Variants in EIF4EBP2 observed in about 807,000 individuals in gnomAD.
EIF4EBP2 encodes eukaryotic translation initiation factor 4E-binding protein 2.
EIF4EBP2 carries 5 observed loss-of-function variants against 10.3 expected under a neutral mutation model. The ratio of observed to expected loss-of-function variants is 0.48; its 90% CI spans 0.25 to 1.02. EIF4EBP2 has a LOEUF of 1.02. Ranked by LOEUF, EIF4EBP2 falls within the 50% of genes least tolerant of loss-of-function variation. The pLI, the probability that EIF4EBP2 is intolerant of heterozygous loss-of-function variation, is 0.15. For synonymous variants in EIF4EBP2, 67 were observed against 61.1 expected (o/e 1.10, Z -0.45); for missense variants, 188 against 162.2 (o/e 1.16, Z -0.86).
At chr10:70,408,231 A>T (rs1295216631) in intron 1 of EIF4EBP2, among the ~76,000 whole-genome samples, 1 of 145,286 alleles carries the variant, frequency 6.9e-6, no homozygotes, top group Non-Finnish European at 1.5e-5. Context: ...TCCTTCCTGG[A>T]CGGGGCGGCT....
At position 70,425,084 on chromosome 10, in the gene EIF4EBP2, C is replaced by T. The variant is rs1187465108; in HGVS notation, c.*3337C>T. On this transcript the variant is annotated 3_prime_UTR_variant, in exon 3 of 3. Transcript: ENST00000373218. ...AAGATTGAACAGGGGCTGCAGTCAG[C>T]TGGAGCTGGAGAAACCACTTCCAAG... 1.3e-5 allele frequency: 2 copies of T among 152,288 alleles called. No individual in the cohort carries two copies. Among genetic ancestry groups the T allele is most frequent in the South Asian group, 4.1e-4 (2 of 4,830 alleles). The allele number at this position is 152,288 out of a possible 1,614,324, so 9.4% of individuals were successfully genotyped here.
chr10:70,409,312 T>A (rs1008285614), intron 1 of EIF4EBP2, among the ~76,000 whole-genome samples: 3 of 152,192 alleles, frequency 2.0e-5, no homozygotes, highest in Admixed American at 6.5e-5. Context: ...TTTTATTTTT[T>A]TTTCTATCTG....
intron 1 of EIF4EBP2, among the ~76,000 whole-genome samples, chr10:70,407,245 G>A (rs1844976302): frequency 6.6e-6 from 1 of 152,040 alleles, no homozygotes; most frequent in African/African-American, 2.4e-5. Flanking sequence ...GGTTTTCCTA[G>A]GCAGAGGACC....
chr10:70,407,028 G>T (rs1366976524), intron 1 of EIF4EBP2, among the ~76,000 whole-genome samples: 5 of 152,076 alleles, frequency 3.3e-5, no homozygotes, highest in Admixed American at 3.3e-4. Flanking sequence ...CTCCCGAGTA[G>T]CTGGGGCTAC....
At chr10:70,420,224 C>A in intron 2 of EIF4EBP2, 125 bp downstream of exon 2, 1 of 915,524 alleles carries the variant, frequency 1.1e-6, no homozygotes, top group Non-Finnish European at 1.6e-6. Flanking sequence ...TTTTGAGACA[C>A]AGTCTCATTC....
chr10:70,418,163 A>G (rs940975411), intron 1 of EIF4EBP2, among the ~76,000 whole-genome samples: 1 of 152,192 alleles, frequency 6.6e-6, no homozygotes, highest in Non-Finnish European at 1.5e-5. Flanking sequence ...CCCTTATAAG[A>G]TGGAACACCA....
intron 1 of EIF4EBP2, among the ~76,000 whole-genome samples, chr10:70,407,124 TTTTGTTG>T (rs1052601456): frequency 6.6e-6 from 1 of 150,548 alleles, no homozygotes; most frequent in Non-Finnish European, 1.5e-5. Context: ...GTCTTTTTTT[TTTTGTTG>T]TTGTTGATCA....
At position 70,423,856 on chromosome 10, in the gene EIF4EBP2, TG is replaced by T. The variant is rs1257177776; in HGVS notation, c.*2110del. The T allele has an allele frequency of 6.6e-6, 1 of 152,648 alleles. No individual in the cohort carries two copies. The highest frequency in any genetic ancestry group is 2.4e-5 in the African/African-American group (1 of 41,472). The allele number at this position is 152,648 out of a possible 1,614,324, so 9.5% of individuals were successfully genotyped here. On this transcript the variant is annotated 3_prime_UTR_variant, in exon 3 of 3. Coordinates refer to ENST00000373218, the MANE Select transcript of EIF4EBP2 (RefSeq NM_004096.5). ...AATTGATAATCAGAAAAGTAATTTT[TG>T]TTTGTTTGTTTAATGTATCCCTGTT...
chr10:70,404,589 C>T, intron 1 of EIF4EBP2, 43 bp downstream of exon 1: 1 of 1,510,190 alleles, frequency 6.6e-7, no homozygotes, highest in Non-Finnish European at 8.8e-7. Context: ...TGTCCCGCCG[C>T]GGTCCTCTAA....
intron 1 of EIF4EBP2, among the ~76,000 whole-genome samples, chr10:70,418,711 C>T (rs948324020): frequency 3.9e-5 from 6 of 152,168 alleles, no homozygotes; most frequent in African/African-American, 1.4e-4. Flanking sequence ...CCCAGAATGC[C>T]TCGTTCCTCA....
intron 1 of EIF4EBP2, among the ~76,000 whole-genome samples, chr10:70,417,749 A>G (rs1453681815): frequency 1.3e-5 from 2 of 152,200 alleles, no homozygotes; most frequent in East Asian, 3.8e-4. Flanking sequence ...AGTAAGAATA[A>G]TCTTGTTCCA....
chr10:70,414,634 A>G (rs10999323), intron 1 of EIF4EBP2, among the ~76,000 whole-genome samples: 73,928 of 152,032 alleles, frequency 0.49, 18,246 homozygotes, highest in East Asian at 0.66. Flanking sequence ...TTGGGAGGCC[A>G]AGGCTTGCAG....
intron 1 of EIF4EBP2, among the ~76,000 whole-genome samples, chr10:70,415,538 T>C (rs895477771): frequency 1.3e-5 from 2 of 152,146 alleles, no homozygotes; most frequent in East Asian, 1.9e-4. Context: ...TCAAAACTTA[T>C]TACAAGTCAA....
chr10:70,414,456 C>T (rs934406343), intron 1 of EIF4EBP2, among the ~76,000 whole-genome samples: 1 of 152,050 alleles, frequency 6.6e-6, no homozygotes, highest in Non-Finnish European at 1.5e-5. Context: ...GTCTTGTTGT[C>T]TGAATTATTT....
intron 1 of EIF4EBP2, among the ~76,000 whole-genome samples, chr10:70,408,503 A>G (rs948516530): frequency 6.6e-6 from 1 of 152,240 alleles, no homozygotes; most frequent in Admixed American, 6.5e-5. Flanking sequence ...CTATTACAGC[A>G]ATGAATACTG....
chr10:70,405,101 G>A (rs1442096459), intron 1 of EIF4EBP2, among the ~76,000 whole-genome samples: 3 of 152,216 alleles, frequency 2.0e-5, no homozygotes, highest in African/African-American at 7.2e-5. Flanking sequence ...TTACTTTGCT[G>A]GACGAGGCCC....
chr10:70,410,053 G>A (rs1845027934), intron 1 of EIF4EBP2, among the ~76,000 whole-genome samples: 1 of 152,072 alleles, frequency 6.6e-6, no homozygotes. Flanking sequence ...TATTGGGGGT[G>A]AAGGGAGCTG....
intron 1 of EIF4EBP2, among the ~76,000 whole-genome samples, chr10:70,409,900 C>G (rs1045272369): frequency 2.0e-5 from 3 of 152,178 alleles, no homozygotes; most frequent in Admixed American, 6.5e-5. Flanking sequence ...TGTAGCTCTT[C>G]TGCCTCTTGG....
In EIF4EBP2 at chr10:70,418,671, C is replaced by T. The variant is rs557705530; in HGVS notation, c.146-1243C>T. Among the ~76,000 whole-genome samples the T allele has an allele frequency of 4.6e-5, 7 of 152,050 alleles. No homozygotes were observed. The South Asian group carries it at 1.5e-3, about 32-fold the overall frequency. On this transcript the variant is annotated intron_variant, in intron 1 of 2. Transcript: ENST00000373218. The stretch of plus-strand genomic sequence containing the variant: ...ATTCAAGATAATTGAAATTGTTTAC[C>T]CTTTGAAAGTTGAACTAAGTTTTGT...
Sources: allele counts gnomAD v4.1 joint callset (sites outside exome capture counted in the v4.1 genomes callset), GRCh38; gene constraint gnomAD v4.1.1; transcripts MANE v1.5; gene names NCBI Gene and HGNC (gene_info 2026-07-23, HGNC 2026-07-21).